SUPT3H: variants seen among roughly 807,000 people sequenced by gnomAD.
SUPT3H encodes the protein transcription initiation protein SPT3 homolog.
In SUPT3H, 44 loss-of-function variants were observed where a neutral mutation model predicts 44.3. The observed-to-expected ratio is 0.99, with a 90% CI of 0.78 to 1.28. The LOEUF (loss-of-function observed/expected upper bound fraction) is 1.28. Among genes scored for constraint, SUPT3H ranks in the 50% most tolerant of loss-of-function variants. The pLI is 0.00. For missense variants in SUPT3H, 380 were observed against 387.1 expected (o/e 0.98, Z 0.15); for synonymous variants, 124 against 125.6 (o/e 0.99, Z 0.09).
chr6:45,120,443 A>G (rs1322261255), intron 2 of SUPT3H, among the ~76,000 whole-genome samples: 2 of 140,618 alleles, frequency 1.4e-5, no homozygotes, highest in Admixed American at 7.2e-5. Flanking sequence ...AAAAAAAAAG[A>G]CTATATAAGC....
At chr6:45,049,604 C>T (rs1011089948) in intron 3 of SUPT3H, among the ~76,000 whole-genome samples, 25 of 152,146 alleles carry the variant, frequency 1.6e-4, no homozygotes, top group Admixed American at 1.5e-3. Context: ...CACAGTTGCG[C>T]CAACTCAGAG....
intron 10 of SUPT3H, among the ~76,000 whole-genome samples, chr6:44,926,371 A>G (rs1364586779): frequency 6.6e-6 from 1 of 152,102 alleles, no homozygotes; most frequent in Non-Finnish European, 1.5e-5. Flanking sequence ...TTGAAAACAT[A>G]TCGAATTAGA....
rs1286112940 is a variant in SUPT3H at position 44,828,735 on chromosome 6, C to A, written c.*1081G>T. The A allele has an allele frequency of 6.6e-6, 1 of 152,298 alleles. No homozygotes were observed. The highest frequency in any genetic ancestry group is 1.5e-5 in the Non-Finnish European group (1 of 68,000). The allele number at this position is 152,298 out of a possible 1,614,324, so 9.4% of individuals were successfully genotyped here. On this transcript the variant is annotated 3_prime_UTR_variant, in exon 11 of 11. Transcript: ENST00000371459. ...GAGCAGTATCAAGAAAAAGATCTTT[C>A]ATGTTTCTCATTTCTGTTTTTATTA...
chr6:45,330,604 A>G (rs557169007), intron 2 of SUPT3H, among the ~76,000 whole-genome samples: 27 of 152,194 alleles, frequency 1.8e-4, no homozygotes, highest in Admixed American at 1.6e-3. Context: ...CAAAGAATAT[A>G]TTAAACTGCT....
Position 44,972,025 on chromosome 6 carries a change from C to T in SUPT3H, c.505-10197G>A, listed in dbSNP as rs190149147. Among the ~76,000 whole-genome samples the T allele has an allele frequency of 5.6e-3, 853 of 152,080 alleles. 7 individuals carry two copies. Among genetic ancestry groups the T allele is most frequent in the South Asian group, 0.038 (185 of 4,814 alleles). ...TCCTGACCTTGTGATCTGTCCACCT[C>T]GGCCTCCCAAAGTGCTGGGATTACA... On this transcript the variant is annotated intron_variant, in intron 6 of 10. Transcript: ENST00000371459.
At chr6:45,074,408 T>G (rs758172169) in intron 3 of SUPT3H, among the ~76,000 whole-genome samples, 3 of 151,940 alleles carry the variant, frequency 2.0e-5, no homozygotes, top group Non-Finnish European at 4.4e-5. Context: ...ACAAAAAGTT[T>G]GAATAGACAC....
intron 2 of SUPT3H, among the ~76,000 whole-genome samples, chr6:45,314,352 T>C (rs1364644312): frequency 1.3e-5 from 2 of 152,178 alleles, no homozygotes; most frequent in African/African-American, 4.8e-5. Flanking sequence ...GAAGTCAGAC[T>C]GTTGCCGTTT....
chr6:44,839,931 A>G (rs1366423319), intron 10 of SUPT3H, among the ~76,000 whole-genome samples: 1 of 152,132 alleles, frequency 6.6e-6, no homozygotes, highest in Non-Finnish European at 1.5e-5. Context: ...CGATCTCCTG[A>G]CCTCGTGATC....
chr6:45,070,146 A>T lies in SUPT3H; in HGVS notation c.186+35776T>A, dbSNP rs80107854. Among the ~76,000 whole-genome samples the T allele has an allele frequency of 5.3e-3, 810 of 152,290 alleles. 8 individuals carry two copies. The highest frequency in any genetic ancestry group is 0.018 in the African/African-American group (756 of 41,562). On this transcript the variant is annotated intron_variant, in intron 3 of 10. Transcript: ENST00000371459. ...GCATGTTTTCATAGGCTATGAATCC[A>T]ATGATATATCATTGGATTTTCCAGA...
rs114106913 is a variant in SUPT3H, at chr6:45,013,141, T to C, written c.364+1660A>G. On this transcript the variant is annotated intron_variant, in intron 5 of 10. Coordinates refer to ENST00000371459, the MANE Select transcript of SUPT3H (RefSeq NM_003599.4). ...CAGAGATTGATTGATCTAAATAATG[T>C]TGGGCCCCTGTGAAATGTTGCCAGC... 2.2e-3 allele frequency among the ~76,000 whole-genome samples: 336 copies of C among 152,242 alleles called. 1 individual carries two copies. The highest frequency in any genetic ancestry group is 7.5e-3 in the African/African-American group (313 of 41,582).
At chr6:45,373,654 G>A (rs111928541) in intron 1 of SUPT3H, among the ~76,000 whole-genome samples, 5,516 of 152,126 alleles carry the variant, frequency 0.036, 142 homozygotes, top group Middle Eastern at 0.058. Flanking sequence ...GGGTTCAAGC[G>A]ATTCTCCTGC....
At chr6:45,234,765 C>T (rs1249874028) in intron 2 of SUPT3H, among the ~76,000 whole-genome samples, 4 of 152,136 alleles carry the variant, frequency 2.6e-5, no homozygotes, top group African/African-American at 9.7e-5. Context: ...AAGTTACCCA[C>T]TTTTATATCC....
At chr6:45,195,280 TC>T (rs1266848408) in intron 2 of SUPT3H, among the ~76,000 whole-genome samples, 1 of 152,164 alleles carries the variant, frequency 6.6e-6, no homozygotes, top group Non-Finnish European at 1.5e-5. Flanking sequence ...AGAGCAATGA[TC>T]AGAGCTTTCC....
chr6:45,103,641 A>T (rs766546343), intron 3 of SUPT3H, among the ~76,000 whole-genome samples: 1 of 152,184 alleles, frequency 6.6e-6, no homozygotes, highest in Non-Finnish European at 1.5e-5. Flanking sequence ...CAGAAGAAAA[A>T]GGGGCAGAAA....
chr6:45,302,297 T>A (rs1782254706), intron 2 of SUPT3H, among the ~76,000 whole-genome samples: 2 of 151,780 alleles, frequency 1.3e-5, no homozygotes, highest in African/African-American at 4.8e-5. Context: ...CATTACATAA[T>A]TCTTATGCCT....
intron 7 of SUPT3H, among the ~76,000 whole-genome samples, chr6:44,960,622 C>T (rs987175077): frequency 6.6e-6 from 1 of 151,906 alleles, no homozygotes; most frequent in Non-Finnish European, 1.5e-5. Flanking sequence ...AGTTCAATTG[C>T]ACTAAATGTT....
At chr6:44,905,304 G>C (rs1363346543) in intron 10 of SUPT3H, among the ~76,000 whole-genome samples, 2 of 152,116 alleles carry the variant, frequency 1.3e-5, no homozygotes, top group Non-Finnish European at 2.9e-5. Context: ...AATCTACAAT[G>C]ATCTCCAACA....
At chr6:44,902,482 C>T (rs1765248725) in intron 10 of SUPT3H, among the ~76,000 whole-genome samples, 1 of 152,152 alleles carries the variant, frequency 6.6e-6, no homozygotes, top group Non-Finnish European at 1.5e-5. Flanking sequence ...GAAGAGCTAA[C>T]TATCCTAAAT....
intron 3 of SUPT3H, among the ~76,000 whole-genome samples, chr6:45,062,189 A>G (rs975432932): frequency 1.4e-4 from 21 of 152,078 alleles, no homozygotes; most frequent in Non-Finnish European, 2.6e-4. Flanking sequence ...TCCATAATAA[A>G]GTTGTTGTAA....
Sources: gnomAD v4.1 joint callset for allele counts (sites outside exome capture counted in the v4.1 genomes callset) on GRCh38, gnomAD v4.1.1 for gene constraint, MANE v1.5 for transcripts, NCBI Gene and HGNC (gene_info 2026-07-23, HGNC 2026-07-21) for gene names.